Variants in RBFOX2 observed in about 807,000 individuals in gnomAD.
The protein encoded by RBFOX2 is RNA binding fox-1 homolog 2, also known as RNA binding protein fox-1 homolog 2.
Under a neutral mutation model 49.1 loss-of-function variants are expected in RBFOX2, and 10 were observed. The ratio of observed to expected loss-of-function variants is 0.20; its 90% confidence interval spans 0.13 to 0.35. The LOEUF (loss-of-function observed/expected upper bound fraction) is 0.35, where lower values mean the gene tolerates loss of function less well. RBFOX2 is among the 10% of genes least tolerant of loss of function. The probability of loss-of-function intolerance (pLI) is 1.00; values close to 1 mark genes in which losing one functional copy is unlikely to be tolerated. For synonymous variants in RBFOX2, 183 were observed against 187.4 expected, an observed-to-expected ratio of 0.98 and a Z score of 0.19; for missense variants, 323 against 486.9, an observed-to-expected ratio of 0.66 and a Z score of 3.17.
chr22:36,018,589 T>C (rs978193353), intron 1 of RBFOX2, among the ~76,000 whole-genome samples: 1 of 152,022 alleles, frequency 6.6e-6, no homozygotes, highest in African/African-American at 2.4e-5. Flanking sequence ...TCTCAAAAGA[T>C]TTTAAGCGTG....
exon 12 of RBFOX2, chr22:35,743,271 T>C (rs1428744645): frequency 6.6e-6 from 1 of 152,214 alleles, no homozygotes; most frequent in Non-Finnish European, 1.5e-5. Flanking sequence ...ATCTGGTCAC[T>C]GGCTTATTCA....
At chr22:35,809,663 T>G in intron 2 of RBFOX2, 117 bp downstream of exon 3, 5 of 1,112,946 alleles carry the variant, frequency 4.5e-6, no homozygotes, top group Non-Finnish European at 6.7e-6. Flanking sequence ...AAGGTGTAAA[T>G]GAGAACAGGT....
At chr22:35,973,376 TAG>T (rs1290369916) in intron 1 of RBFOX2, among the ~76,000 whole-genome samples, 2 of 152,206 alleles carry the variant, frequency 1.3e-5, no homozygotes, top group Admixed American at 6.5e-5. Context: ...TTTATATCCA[TAG>T]AGGGGGGACA....
chr22:35,763,206 T>C (rs1198678752), intron 6 of RBFOX2, among the ~76,000 whole-genome samples: 3 of 152,200 alleles, frequency 2.0e-5, no homozygotes, highest in Non-Finnish European at 4.4e-5. Context: ...TTTAGAATAA[T>C]ATTTTAAAAA....
At chr22:35,886,732 C>T (rs1204533558) in intron 1 of RBFOX2, among the ~76,000 whole-genome samples, 1 of 152,198 alleles carries the variant, frequency 6.6e-6, no homozygotes, top group Non-Finnish European at 1.5e-5. Context: ...TAAGATTGAA[C>T]TGCATTGACT....
intron 1 of RBFOX2, among the ~76,000 whole-genome samples, chr22:35,903,656 A>C (rs1215551662): frequency 1.3e-5 from 2 of 152,124 alleles, no homozygotes; most frequent in Non-Finnish European, 2.9e-5. Flanking sequence ...ACCACCCTTG[A>C]AGTCCCCTGG....
chr22:35,793,556 C>A (rs1362235202), intron 2 of RBFOX2, among the ~76,000 whole-genome samples: 1 of 152,114 alleles, frequency 6.6e-6, no homozygotes, highest in Non-Finnish European at 1.5e-5. Flanking sequence ...CAATGTACTT[C>A]ATGGTGCTAA....
At position 36,015,648 on chromosome 22, in the gene RBFOX2, C is replaced by T. The variant is rs570261361; in HGVS notation, c.186+12592G>A. Among the ~76,000 whole-genome samples the T allele has an allele frequency of 5.3e-5, 8 of 152,306 alleles. No individual in the cohort carries two copies. In the South Asian group the frequency reaches 1.5e-3, roughly 28 times the overall value. ...AAACAGCAGGTGAAAGCTGTCAAAGCCACATATTCAGACTAATTAGGGGAC... is the reference window on the plus strand; with the variant it reads ...AAACAGCAGGTGAAAGCTGTCAAAGTCACATATTCAGACTAATTAGGGGAC... On this transcript the variant is annotated intron_variant, in intron 1 of 13. Transcript: ENST00000438146.
chr22:35,805,592 C>CT (rs1193479884), intron 2 of RBFOX2, among the ~76,000 whole-genome samples: 1 of 152,118 alleles, frequency 6.6e-6, no homozygotes, highest in African/African-American at 2.4e-5. Flanking sequence ...TAAACATACT[C>CT]TTATCATATG....
chr22:35,784,841 C>A (rs1351187924), intron 2 of RBFOX2, among the ~76,000 whole-genome samples: 1 of 152,210 alleles, frequency 6.6e-6, no homozygotes, highest in Non-Finnish European at 1.5e-5. Flanking sequence ...CGGCAGATTG[C>A]TGCGTTGCCG....
intron 4 of RBFOX2, among the ~76,000 whole-genome samples, chr22:35,768,805 T>A (rs1046881471): frequency 1.3e-5 from 2 of 152,226 alleles, no homozygotes; most frequent in African/African-American, 4.8e-5. Context: ...AACTGCTACA[T>A]GAAATCTGAC....
chr22:35,861,288 T>TA (rs1484368386), intron 1 of RBFOX2, among the ~76,000 whole-genome samples: 6 of 152,214 alleles, frequency 3.9e-5, no homozygotes, highest in Non-Finnish European at 7.4e-5. Context: ...ACATAATCCA[T>TA]AAAAGAACAA....
chr22:35,766,614 G>GA lies in RBFOX2; in HGVS notation c.547-1132dup, dbSNP rs1450873012. ...AATATAAACGTTTCACATTTAAAAA[G>GA]AAAGAATGGGATACAACAATGATGA... is the stretch of plus-strand genomic sequence containing the variant. On this transcript the variant is annotated intron_variant, in intron 5 of 11. Coordinates refer to ENST00000405409, the Ensembl canonical transcript of RBFOX2. Among the ~76,000 whole-genome samples the GA allele has an allele frequency of 2.0e-5, 3 of 151,900 alleles. No homozygotes were observed. The East Asian group carries it at 5.8e-4, about 29-fold the overall frequency.
chr22:35,900,076 A>T (rs2048382858), intron 1 of RBFOX2, among the ~76,000 whole-genome samples: 1 of 152,164 alleles, frequency 6.6e-6, no homozygotes, highest in Non-Finnish European at 1.5e-5. Flanking sequence ...GCCACATTTT[A>T]GATGCTCTGC....
At chr22:35,825,425 T>TG (rs886226512) in intron 1 of RBFOX2, among the ~76,000 whole-genome samples, 3 of 139,124 alleles carry the variant, frequency 2.2e-5, no homozygotes, top group Admixed American at 7.2e-5. Context: ...TTTGACTAAG[T>TG]GAAAAAAAAA....
intron 1 of RBFOX2, among the ~76,000 whole-genome samples, chr22:35,872,693 G>A (rs1329617019): frequency 6.6e-6 from 1 of 152,172 alleles, no homozygotes; most frequent in Non-Finnish European, 1.5e-5. Context: ...TCTTCTGCCG[G>A]CTTGCTCCCT....
chr22:35,964,297 T>C (rs1219041639), upstream of RBFOX2, among the ~76,000 whole-genome samples: 1 of 152,200 alleles, frequency 6.6e-6, no homozygotes, highest in Non-Finnish European at 1.5e-5. Context: ...TATAGGACAC[T>C]TGACATCAAG....
chr22:35,940,569 G>T (rs906013707), upstream of RBFOX2, among the ~76,000 whole-genome samples: 2 of 152,078 alleles, frequency 1.3e-5, no homozygotes, highest in African/African-American at 4.8e-5. Flanking sequence ...ATATGACCCA[G>T]CAATTCCACA....
rs975816788 is a variant in RBFOX2 at position 35,959,695 on chromosome 22, C to A, written c.42+1868G>T. On this transcript the variant is annotated intron_variant, in intron 1 of 5. Transcript: ENST00000408983. ...ATACTCAATAGTTCCCAATCTTGAC[C>A]GATCATTTGAATCACCTGGGAATAA... 5.3e-5 allele frequency among the ~76,000 whole-genome samples: 8 copies of A among 152,154 alleles called. No homozygotes were observed. The East Asian group carries it at 1.3e-3, about 26-fold the overall frequency.
Sources: allele counts gnomAD v4.1 joint callset (sites outside exome capture counted in the v4.1 genomes callset), GRCh38; gene constraint gnomAD v4.1.1; transcripts MANE v1.5; gene names NCBI Gene and HGNC (gene_info 2026-07-23, HGNC 2026-07-21).